The following AAK1 variants were observed in gnomAD, a reference collection of about 807,000 sequenced individuals.
AAK1 encodes AP2-associated protein kinase 1.
Under a neutral mutation model 116.0 loss-of-function variants are expected in AAK1, and 37 were observed. The ratio of observed to expected loss-of-function variants is 0.32; its 90% CI spans 0.25 to 0.42. AAK1 has a LOEUF of 0.42. AAK1 is among the 10% of genes least tolerant of loss of function. The probability of loss-of-function intolerance (pLI) is 1.00; values close to 1 mark genes in which losing one functional copy is unlikely to be tolerated. For synonymous variants in AAK1, 458 were observed against 439.9 expected, an observed-to-expected ratio of 1.04 and a Z score of -0.51; for missense variants, 919 against 1,170.6, an observed-to-expected ratio of 0.79 and a Z score of 3.14.
rs759334384 is a variant in AAK1, at chr2:69,468,302, T to C, written c.*7567A>G. ...TAGATTTGTCTCAGTGATACCAAGA[T>C]GATAATTTCTGGGAGGAAATTCAAA... On this transcript the variant is annotated 3_prime_UTR_variant, in exon 22 of 22. Transcript: ENST00000409085. 2.0e-6 allele frequency: 2 copies of C among 985,374 alleles called. No homozygotes were observed. The highest frequency in any genetic ancestry group is 2.4e-6 in the Non-Finnish European group (2 of 829,896). The allele number at this position is 985,374 out of a possible 1,614,324, so 61.0% of individuals were successfully genotyped here. A position where few individuals can be genotyped will look rare whatever the true frequency, so the allele number is the denominator to read the frequency against.
At chr2:69,567,218 A>G (rs4852283) in intron 2 of AAK1, among the ~76,000 whole-genome samples, 55,277 of 152,070 alleles carry the variant, frequency 0.36, 10,420 homozygotes, top group East Asian at 0.6. Flanking sequence ...TCTTGGCCTG[A>G]GCCACTCCTA....
At chr2:69,520,428 G>A (rs1669720741) in intron 11 of AAK1, among the ~76,000 whole-genome samples, 1 of 144,674 alleles carries the variant, frequency 6.9e-6, no homozygotes, top group Non-Finnish European at 1.5e-5. Flanking sequence ...GCACGGTCTT[G>A]GCTCACTGCA....
At chr2:69,571,127 G>A (rs1282304604) in intron 2 of AAK1, among the ~76,000 whole-genome samples, 1 of 152,076 alleles carries the variant, frequency 6.6e-6, no homozygotes, top group Non-Finnish European at 1.5e-5. Flanking sequence ...TTCATTGTAC[G>A]AAACACATTG....
In AAK1 at chr2:69,475,942, C is replaced by T; in HGVS notation, c.2813G>A (p.Ser938Asn). 1 of 1,612,274 alleles carries T rather than the reference C, an allele frequency of 6.2e-7. No individual in the cohort carries two copies. The highest frequency in any genetic ancestry group is 8.5e-7 in the Non-Finnish European group (1 of 1,179,222). ...GGGAAGACTGGACTCAGAGCTCCCA[C>T]TGCTGTTTCTAGAGTGCCCACCTGG... ...NPQGGHSRNS[S>N]GSSESSLPNL... The change falls in exon 22 of 22, where the codon AGT (serine) becomes AAT (asparagine). Residue 938 changes from serine to asparagine, a missense_variant. By Grantham distance (46) the Ser-to-Asn change is conservative (BLOSUM62 1). Transcript: ENST00000409085.
At position 69,476,969 on chromosome 2, in the gene AAK1, A is replaced by G. The variant is rs755760457; in HGVS notation, c.2702T>C (p.Ile901Thr). 2.5e-6 allele frequency: 4 copies of G among 1,612,704 alleles called. No homozygotes were observed. Among genetic ancestry groups the G allele is most frequent in the Non-Finnish European group, 3.4e-6 (4 of 1,179,230 alleles). Residue 901 changes from isoleucine to threonine, a missense_variant, in exon 21 of 22, where the codon ATC becomes ACC. By Grantham distance (89) the Ile-to-Thr change is moderately conservative. Coordinates refer to ENST00000409085, the MANE Select transcript of AAK1 (RefSeq NM_014911.5). ...VHKAAEDSNL[I>T]SGFDVPEGSD... ...GCCCTCAGGGACATCAAAACCTGAG[A>G]TGAGATTACTATCTTCTGCAGCTTA...
intron 2 of AAK1, among the ~76,000 whole-genome samples, chr2:69,559,414 C>T (rs1330488368): frequency 6.6e-6 from 1 of 151,986 alleles, no homozygotes; most frequent in East Asian, 1.9e-4. Context: ...TTTTCTTCCC[C>T]CCACCCCCTG....
chr2:69,545,905 A>T (rs1167419002), intron 3 of AAK1, among the ~76,000 whole-genome samples: 2 of 152,172 alleles, frequency 1.3e-5, no homozygotes, highest in Non-Finnish European at 2.9e-5. Flanking sequence ...CTTGCAGAAC[A>T]TTTGTGCCTA....
intron 2 of AAK1, among the ~76,000 whole-genome samples, chr2:69,578,631 T>C (rs528271967): frequency 6.6e-6 from 1 of 152,272 alleles, no homozygotes; most frequent in South Asian, 2.1e-4. Flanking sequence ...TTACATTCCC[T>C]GCTCTCCTCT....
rs559695296 is a variant in AAK1, at chr2:69,538,379, C to T, written c.534+4144G>A. On this transcript the variant is annotated intron_variant, in intron 5 of 21. Coordinates refer to ENST00000409085, the MANE Select transcript of AAK1 (RefSeq NM_014911.5). Reference sequence around the variant, plus strand: ...CTGGGGCCCGCTGCCTTAGCCCTCCCACCGACCTACTCAGCATCCCAGGCA... The same window carrying T: ...CTGGGGCCCGCTGCCTTAGCCCTCCTACCGACCTACTCAGCATCCCAGGCA... Among the ~76,000 whole-genome samples, 4 of 152,330 alleles carry T rather than the reference C, an allele frequency of 2.6e-5. No individual in the cohort carries two copies. In the South Asian group the frequency reaches 8.3e-4, roughly 32 times the overall value.
At chr2:69,536,986 T>C (rs1383160329) in intron 5 of AAK1, among the ~76,000 whole-genome samples, 1 of 152,250 alleles carries the variant, frequency 6.6e-6, no homozygotes, top group Non-Finnish European at 1.5e-5. Flanking sequence ...TAACCCTTTC[T>C]TCTCCTTTCT....
chr2:69,465,979 T>C lies in AAK1; in HGVS notation c.*9890A>G, dbSNP rs200264087. ...GTTAACTCCTCCATGCTTTTCTTCT[T>C]AGTGAAAGGAGCTCTCAAAAACACG... On this transcript the variant is annotated 3_prime_UTR_variant, in exon 22 of 22. Transcript: ENST00000409085. The C allele has an allele frequency of 6.2e-6, 8 of 1,290,804 alleles. No homozygotes were observed. The Admixed American group carries it at 1.8e-4, about 30-fold the overall frequency. The allele number at this position is 1,290,804 out of a possible 1,614,324, so 80.0% of individuals were successfully genotyped here. A position where few individuals can be genotyped will look rare whatever the true frequency, so the allele number is the denominator to read the frequency against.
chr2:69,621,894 A>T (rs1033140765), intron 2 of AAK1, among the ~76,000 whole-genome samples: 1 of 152,196 alleles, frequency 6.6e-6, no homozygotes, highest in Non-Finnish European at 1.5e-5. Context: ...CCAAGGCCTG[A>T]TGTTACTGAG....
Position 69,473,996 on chromosome 2 carries a change from G to A in AAK1, c.*1873C>T, listed in dbSNP as rs760191277. The A allele has an allele frequency of 3.0e-6, 3 of 985,788 alleles. No homozygotes were observed. Among genetic ancestry groups the A allele is most frequent in the Non-Finnish European group, 3.6e-6 (3 of 829,932 alleles). The allele number at this position is 985,788 out of a possible 1,614,324, so 61.1% of individuals were successfully genotyped here. On this transcript the variant is annotated 3_prime_UTR_variant, in exon 22 of 22. Coordinates refer to ENST00000409085, the MANE Select transcript of AAK1 (RefSeq NM_014911.5). ...CCTCTCTCAGTTTTGGAAATGGTCT[G>A]TTATTCAACTAGAGGCCTTTACCTA...
chr2:69,606,428 A>G (rs1047001525), intron 2 of AAK1, among the ~76,000 whole-genome samples: 3 of 152,354 alleles, frequency 2.0e-5, no homozygotes, highest in Admixed American at 2.0e-4. Flanking sequence ...ATATCCCCTG[A>G]TGAGACTTCC....
In AAK1 at chr2:69,460,837, C is replaced by T. The variant is rs962565120; in HGVS notation, c.*15032G>A. On this transcript the variant is annotated 3_prime_UTR_variant, in exon 22 of 22. Transcript: ENST00000409085. ...TTCACCACATATGACATCTTTCATT[C>T]AGTACTGCCTGTTAGTCAATTACTG... 6.6e-6 allele frequency: 1 copy of T among 152,198 alleles called. No homozygotes were observed. The highest frequency in any genetic ancestry group is 6.5e-5 in the Admixed American group (1 of 15,278). 9.4% of individuals were successfully genotyped at this position (152,198 alleles called of 1,614,324 possible). A position where few individuals can be genotyped will look rare whatever the true frequency, so the allele number is the denominator to read the frequency against.
At chr2:69,630,579 T>C (rs17036866) in intron 2 of AAK1, among the ~76,000 whole-genome samples, 34,693 of 152,216 alleles carry the variant, frequency 0.23, 4,921 homozygotes, top group East Asian at 0.49. Flanking sequence ...ACCCATGCTT[T>C]TGCATTTTAC....
intron 5 of AAK1, among the ~76,000 whole-genome samples, chr2:69,541,356 G>C (rs1670713866): frequency 6.6e-6 from 1 of 150,498 alleles, no homozygotes; most frequent in African/African-American, 2.4e-5. Context: ...TCCGCCTCCT[G>C]AGTACCTGGG....
chr2:69,590,921 A>G (rs1304735591), intron 2 of AAK1, among the ~76,000 whole-genome samples: 1 of 152,232 alleles, frequency 6.6e-6, no homozygotes, highest in East Asian at 1.9e-4. Context: ...AAGGCATGAG[A>G]CATTGAGAAA....
In AAK1 at chr2:69,505,677, G is replaced by C. The variant is rs761856582; in HGVS notation, c.2165-4C>G. ...CCAAGCTTCTCGGGATGTTTGCCTGGAGAGACAAAACACCACTCAGTTCAT... is the reference window on the plus strand; with the variant it reads ...CCAAGCTTCTCGGGATGTTTGCCTGCAGAGACAAAACACCACTCAGTTCAT... On this transcript the variant is annotated splice_region_variant and splice_polypyrimidine_tract_variant and intron_variant, in intron 15 of 21. Transcript: ENST00000409085. 4.5e-5 allele frequency: 72 copies of C among 1,611,772 alleles called. No homozygotes were observed. Among genetic ancestry groups the C allele is most frequent in the Non-Finnish European group, 5.9e-5 (70 of 1,178,446 alleles).
Sources: allele counts gnomAD v4.1 joint callset (sites outside exome capture counted in the v4.1 genomes callset), GRCh38; gene constraint gnomAD v4.1.1; transcripts MANE v1.5; gene names NCBI Gene and HGNC (gene_info 2026-07-23, HGNC 2026-07-21).